The following CUBN variants were observed in gnomAD, a reference collection of about 807,000 sequenced individuals.
CUBN encodes the protein cubilin.
Under a neutral mutation model 405.3 loss-of-function variants are expected in CUBN, and 282 were observed. The observed-to-expected ratio is 0.70, with a 90% CI of 0.63 to 0.77. CUBN has a LOEUF of 0.77. Ranked by LOEUF, CUBN falls within the 30% of genes least tolerant of loss-of-function variation. The pLI, the probability that CUBN is intolerant of heterozygous loss-of-function variation, is 0.00. For missense variants in CUBN, 4,514 were observed against 4,475.2 expected, an observed-to-expected ratio of 1.01 and a Z score of -0.25; for synonymous variants, 1,684 against 1,617.0, an observed-to-expected ratio of 1.04 and a Z score of -0.99.
At chr10:16,958,982 C>T (rs1182015923) in intron 31 of CUBN, among the ~76,000 whole-genome samples, 2 of 152,192 alleles carry the variant, frequency 1.3e-5, no homozygotes, top group African/African-American at 4.8e-5. Context: ...GGTGCATCCT[C>T]TTGTGGGGAG....
rs57009841 is a variant in CUBN at position 16,889,953 on chromosome 10, A to AAAAAAAAAAAAAAAAAAAG, written c.8755+417_8755+418insCTTTTTTTTTTTTTTTTTT. 7.6e-4 allele frequency among the ~76,000 whole-genome samples: 90 copies of AAAAAAAAAAAAAAAAAAAG among 118,020 alleles called. 15 individuals are homozygous for AAAAAAAAAAAAAAAAAAAG. The highest frequency in any genetic ancestry group is 3.7e-3 in the African/African-American group (88 of 23,878). The allele number at this position is 118,020 out of a possible 152,430, so 77.4% of individuals were successfully genotyped here. ...GCCGTGTCAAAAAAAAAAAAAAAAA[A>AAAAAAAAAAAAAAAAAAAG]CAGGAAAGACTTCGTCATGGAAATT... is the stretch of plus-strand genomic sequence containing the variant. On this transcript the variant is annotated intron_variant, in intron 55 of 66. Transcript: ENST00000377833.
chr10:17,030,796 G>A (rs1032568497), intron 27 of CUBN, among the ~76,000 whole-genome samples: 1 of 152,090 alleles, frequency 6.6e-6, no homozygotes, highest in Non-Finnish European at 1.5e-5. Context: ...GTGGGTGCCT[G>A]TGGCCCCAGC....
intron 28 of CUBN, among the ~76,000 whole-genome samples, chr10:17,000,527 G>A (rs962155318): frequency 1.3e-5 from 2 of 152,186 alleles, no homozygotes; most frequent in Non-Finnish European, 2.9e-5. Context: ...CCATTTACTT[G>A]GGTAAGATTG....
chr10:16,981,178 G>GACACACACAC (rs1401865880), intron 31 of CUBN, among the ~76,000 whole-genome samples: 18,092 of 145,216 alleles, frequency 0.12, 1,239 homozygotes, highest in African/African-American at 0.14. Flanking sequence ...AGACTCAGCA[G>GACACACACAC]ACACACACAC....
chr10:16,984,934 G>A (rs1833375057), intron 29 of CUBN, among the ~76,000 whole-genome samples: 1 of 152,226 alleles, frequency 6.6e-6, no homozygotes, highest in Non-Finnish European at 1.5e-5. Flanking sequence ...CACCCTCCCT[G>A]TGCCTGCTCC....
At position 17,071,567 on chromosome 10, in the gene CUBN, G is replaced by C. The variant is rs899188747; in HGVS notation, c.2484C>G (p.Arg828=). The C allele has an allele frequency of 6.2e-7, 1 of 1,613,782 alleles. No individual in the cohort carries two copies. Among genetic ancestry groups the C allele is most frequent in the Non-Finnish European group, 8.5e-7 (1 of 1,179,868 alleles). ...GATACACGTTAGGAAAAAAAGGCGA[G>C]CGAATGACCCCTTCTCCAGTTAATT... is the stretch of plus-strand genomic sequence containing the variant. The part of the protein sequence containing the change: ...GDELTGEGVI[R]SPFFPNVYPG... Residue 828 remains arginine (R), a synonymous_variant, in exon 19 of 67, where the codon CGC becomes CGG. Transcript: ENST00000377833.
At chr10:17,102,595 C>CTTTTTTTT (rs11357524) in intron 13 of CUBN, among the ~76,000 whole-genome samples, 2 of 63,116 alleles carry the variant, frequency 3.2e-5, no homozygotes, top group African/African-American at 5.9e-5. Flanking sequence ...CCTTGTTACT[C>CTTTTTTTT]TTTTTTTTTT....
At chr10:16,998,572 G>A (rs1833797806) in intron 28 of CUBN, among the ~76,000 whole-genome samples, 1 of 152,208 alleles carries the variant, frequency 6.6e-6, no homozygotes, top group African/African-American at 2.4e-5. Context: ...CTTAGTTACA[G>A]TAGCCCTAAG....
intron 31 of CUBN, among the ~76,000 whole-genome samples, chr10:16,966,605 C>T (rs1211590650): frequency 6.6e-6 from 1 of 152,130 alleles, no homozygotes; most frequent in Non-Finnish European, 1.5e-5. Flanking sequence ...TGCACCAGTA[C>T]ACCCAGCTAC....
chr10:17,129,322 C>T (rs1837268357), intron 1 of CUBN, 72 bp from the exon 2 acceptor site: 1 of 1,538,200 alleles, frequency 6.5e-7, no homozygotes, highest in Non-Finnish European at 9.0e-7. Context: ...AACAAAGTTT[C>T]TTACTGAATA....
intron 22 of CUBN, among the ~76,000 whole-genome samples, chr10:17,063,107 G>A (rs1835535678): frequency 6.6e-6 from 1 of 152,082 alleles, no homozygotes; most frequent in African/African-American, 2.4e-5. Context: ...CCTGACACCA[G>A]CCCTTCCCTA....
chr10:17,087,578 C>A (rs750558780), intron 15 of CUBN, among the ~76,000 whole-genome samples: 9 of 147,540 alleles, frequency 6.1e-5, no homozygotes, highest in Non-Finnish European at 1.5e-5. Flanking sequence ...CGGGTCCAAA[C>A]GATTCTCCTG....
intron 24 of CUBN, 128 bp downstream of exon 24, chr10:17,045,806 T>C (rs1212498146): frequency 2.3e-6 from 2 of 883,086 alleles, no homozygotes; most frequent in African/African-American, 3.3e-5. Context: ...TTTAAAATTA[T>C]TTGCAATATT....
At chr10:17,082,544 G>A (rs539729560) in intron 17 of CUBN, among the ~76,000 whole-genome samples, 1 of 152,122 alleles carries the variant, frequency 6.6e-6, no homozygotes, top group Non-Finnish European at 1.5e-5. Flanking sequence ...CACCATGAAG[G>A]CTTTAACAGA....
At chr10:16,877,515 C>T (rs1306963080) in intron 56 of CUBN, among the ~76,000 whole-genome samples, 3 of 152,150 alleles carry the variant, frequency 2.0e-5, no homozygotes, top group Non-Finnish European at 4.4e-5. Context: ...AGCACCTACA[C>T]CCCGGACCCT....
rs2131328337 is a variant in CUBN at position 17,126,853 on chromosome 10, G to A, written c.349-54C>T. The A allele has an allele frequency of 1.9e-6, 3 of 1,570,398 alleles. No homozygotes were observed. The East Asian group carries it at 6.7e-5, about 35-fold the overall frequency. On this transcript the variant is annotated intron_variant, in intron 3 of 66. Transcript: ENST00000377833. ...TAGCTGGTTCAAAGGCATTGCACAT[G>A]TGATGTTATATCCTTGACATATTGT...
At chr10:17,104,360 A>C (rs1049675222) in intron 12 of CUBN, 59 bp downstream of exon 12, 1 of 1,525,914 alleles carries the variant, frequency 6.6e-7, no homozygotes, top group Admixed American at 1.7e-5. Context: ...TGAGGGACTC[A>C]CTAAAGGATG....
rs1445856521 is a variant in CUBN at position 16,840,393 on chromosome 10, CCA to C, written c.9967_9968del (p.Trp3323GlyfsTer62). ...PPHQQVKITV[W>X]ALQLTSQDCT... ...AGTCTTGCGAGGTCAGCTGTAATGC[CCA>C]CACAGTTATCTTGACCTGCTGATGC... On this transcript the variant is annotated frameshift_variant, in exon 62 of 67. Transcript: ENST00000377833. LOFTEE classifies it high-confidence loss of function. 1 of 1,613,892 alleles carries C rather than the reference CCA, an allele frequency of 6.2e-7. No homozygotes were observed. The highest frequency in any genetic ancestry group is 1.3e-5 in the African/African-American group (1 of 74,854).
intron 6 of CUBN, among the ~76,000 whole-genome samples, chr10:17,116,529 G>A (rs147746884): frequency 6.6e-6 from 1 of 152,298 alleles, no homozygotes; most frequent in Non-Finnish European, 1.5e-5. Flanking sequence ...TTGGTGCCAG[G>A]GGTCAGAGAC....
Sources: allele counts gnomAD v4.1 joint callset (sites outside exome capture counted in the v4.1 genomes callset), GRCh38; gene constraint gnomAD v4.1.1; transcripts MANE v1.5; gene names NCBI Gene and HGNC (gene_info 2026-07-23, HGNC 2026-07-21).